The following CADPS2 variants were observed in gnomAD, a reference collection of about 807,000 sequenced individuals.
CADPS2 encodes calcium-dependent secretion activator 2.
In CADPS2, 93 loss-of-function variants were observed where a neutral mutation model predicts 172.5. The observed-to-expected ratio is 0.54, with a 90% confidence interval of 0.46 to 0.64. The LOEUF (loss-of-function observed/expected upper bound fraction) is 0.64, where lower values mean the gene tolerates loss of function less well. CADPS2 is among the 30% of genes least tolerant of loss of function. The probability of loss-of-function intolerance (pLI) is 0.00; values close to 1 mark genes in which losing one functional copy is unlikely to be tolerated. For synonymous variants in CADPS2, 546 were observed against 555.2 expected (o/e 0.98, Z 0.23); for missense variants, 1,420 against 1,565.9 (o/e 0.91, Z 1.57).
intron 17 of CADPS2, among the ~76,000 whole-genome samples, chr7:122,436,115 TA>T (rs1319958180): frequency 6.6e-6 from 1 of 152,122 alleles, no homozygotes; most frequent in South Asian, 2.1e-4. Context: ...GCTCTTGTGT[TA>T]AATATTTTTA....
intron 15 of CADPS2, among the ~76,000 whole-genome samples, chr7:122,443,935 G>A (rs1452832755): frequency 1.3e-5 from 2 of 151,996 alleles, no homozygotes. Context: ...TTTGACATAT[G>A]CATATACTTG....
chr7:122,386,942 A>G (rs1238959607), intron 24 of CADPS2, 84 bp downstream of exon 24: 4 of 1,415,444 alleles, frequency 2.8e-6, no homozygotes, highest in Non-Finnish European at 2.9e-6. Context: ...TTTCAATCCA[A>G]TCAAGAGAAT....
At chr7:122,817,981 A>G (rs1407783179) in intron 1 of CADPS2, among the ~76,000 whole-genome samples, 2 of 124,860 alleles carry the variant, frequency 1.6e-5, no homozygotes, top group Non-Finnish European at 3.3e-5. Context: ...CTGACCCCTT[A>G]TTTCCATGCC....
chr7:122,335,761 G>C (rs1391581431), intron 28 of CADPS2, among the ~76,000 whole-genome samples: 1 of 152,008 alleles, frequency 6.6e-6, no homozygotes, highest in Non-Finnish European at 1.5e-5. Context: ...TAAAGGGCTA[G>C]AAAAAAAGGC....
intron 2 of CADPS2, among the ~76,000 whole-genome samples, chr7:122,715,853 C>T (rs538765489): frequency 6.6e-6 from 1 of 152,218 alleles, no homozygotes; most frequent in South Asian, 2.1e-4. Flanking sequence ...ACAATAATGA[C>T]ATGATTTTGC....
At chr7:122,415,173 C>A (rs2047734497) in intron 18 of CADPS2, among the ~76,000 whole-genome samples, 1 of 151,978 alleles carries the variant, frequency 6.6e-6, no homozygotes, top group Admixed American at 6.6e-5. Context: ...AAACTTAATT[C>A]AAAAAAGTGA....
chr7:122,743,187 G>C (rs1296622057), intron 1 of CADPS2, among the ~76,000 whole-genome samples: 1 of 152,074 alleles, frequency 6.6e-6, no homozygotes, highest in Non-Finnish European at 1.5e-5. Flanking sequence ...ACAACCAACA[G>C]ATTAGCCTTG....
intron 1 of CADPS2, among the ~76,000 whole-genome samples, chr7:122,742,206 C>T (rs921756523): frequency 2.0e-5 from 3 of 151,844 alleles, no homozygotes; most frequent in Non-Finnish European, 4.4e-5. Context: ...GCGTGGCCAA[C>T]GTGGTGAAAC....
chr7:122,321,684 C>T (rs1236252801), intron 29 of CADPS2, among the ~76,000 whole-genome samples: 8 of 151,732 alleles, frequency 5.3e-5, no homozygotes, highest in African/African-American at 1.5e-4. Flanking sequence ...TTCACTCTAT[C>T]GGCCAGACTG....
chr7:122,497,390 C>T (rs898513152), intron 9 of CADPS2, among the ~76,000 whole-genome samples: 4 of 151,876 alleles, frequency 2.6e-5, no homozygotes, highest in African/African-American at 4.8e-5. Context: ...TCTTTCATTC[C>T]CTGTCTCTAT....
chr7:122,601,093 C>T (rs1454601897), intron 6 of CADPS2, among the ~76,000 whole-genome samples: 1 of 151,688 alleles, frequency 6.6e-6, no homozygotes, highest in East Asian at 1.9e-4. Context: ...ACTTTTTTTT[C>T]CTAGACATCT....
intron 4 of CADPS2, among the ~76,000 whole-genome samples, chr7:122,628,263 A>G (rs1357275789): frequency 6.6e-6 from 1 of 152,178 alleles, no homozygotes; most frequent in Non-Finnish European, 1.5e-5. Context: ...TTACAAATAC[A>G]CATTTTCTTT....
chr7:122,659,342 T>C (rs529556022), intron 3 of CADPS2, among the ~76,000 whole-genome samples: 36 of 89,838 alleles, frequency 4.0e-4, no homozygotes, highest in Non-Finnish European at 7.9e-4. Context: ...TGGAAAAAAA[T>C]GAAGAATGCC....
intron 2 of CADPS2, among the ~76,000 whole-genome samples, chr7:122,714,154 G>T (rs1169063380): frequency 1.3e-5 from 2 of 152,062 alleles, no homozygotes; most frequent in Non-Finnish European, 2.9e-5. Context: ...GCAAGACCTA[G>T]AGGTAAATTA....
intron 1 of CADPS2, among the ~76,000 whole-genome samples, chr7:122,773,895 A>T (rs2093782832): frequency 6.6e-6 from 1 of 152,194 alleles, no homozygotes; most frequent in South Asian, 2.1e-4. Flanking sequence ...TTTGGCATTC[A>T]CATTTTCCTT....
chr7:122,337,585 C>T (rs147570514), intron 28 of CADPS2, among the ~76,000 whole-genome samples: 4 of 152,300 alleles, frequency 2.6e-5, no homozygotes, highest in African/African-American at 4.8e-5. Context: ...CTCTGAACCA[C>T]GTCTGGACTT....
In CADPS2 at chr7:122,410,443, CTT is replaced by C. The variant is rs5887087; in HGVS notation, c.2590-2749_2590-2748del. ...GGCAAGCTGACAATACTTGGAAAGC[CTT>C]TTTTTTTTTTTTTTGTAGTAAATAT... On this transcript the variant is annotated intron_variant, in intron 19 of 29. Coordinates refer to ENST00000449022, the MANE Select transcript of CADPS2 (RefSeq NM_017954.11). 2.9e-3 allele frequency among the ~76,000 whole-genome samples: 403 copies of C among 138,252 alleles called. 3 individuals carry two copies. The East Asian group carries it at 0.047, about 16-fold the overall frequency. 90.7% of individuals were successfully genotyped at this position (138,252 alleles called of 152,430 possible). A position where few individuals can be genotyped will look rare whatever the true frequency, so the allele number is the denominator to read the frequency against.
chr7:122,369,127 T>TTTC (rs2041382927), intron 25 of CADPS2, among the ~76,000 whole-genome samples: 2 of 49,756 alleles, frequency 4.0e-5, no homozygotes, highest in African/African-American at 7.0e-5. Context: ...AATTTTTGTT[T>TTTC]CCCCCCCCCC....
chr7:122,495,176 CAT>C (rs1224702346), intron 9 of CADPS2, among the ~76,000 whole-genome samples: 4 of 152,056 alleles, frequency 2.6e-5, no homozygotes, highest in African/African-American at 9.7e-5. Context: ...AATACACTAA[CAT>C]GTATATATTC....
Sources: allele counts gnomAD v4.1 joint callset (sites outside exome capture counted in the v4.1 genomes callset), GRCh38; gene constraint gnomAD v4.1.1; transcripts MANE v1.5; gene names NCBI Gene and HGNC (gene_info 2026-07-23, HGNC 2026-07-21).